The following KCNA6 variants were observed in gnomAD, a reference collection of about 807,000 sequenced individuals.
The protein encoded by KCNA6 is potassium voltage-gated channel subfamily A member 6, also known as human brain potassium channel-2.
KCNA6 carries 17 observed loss-of-function variants against 29.5 expected under a neutral mutation model. The ratio of observed to expected loss-of-function variants is 0.58; its 90% CI spans 0.39 to 0.86. The LOEUF (loss-of-function observed/expected upper bound fraction) is 0.86. KCNA6 is among the 40% of genes least tolerant of loss of function. The pLI is 0.00. For synonymous variants in KCNA6, 296 were observed against 304.7 expected, an observed-to-expected ratio of 0.97 and a Z score of 0.30; for missense variants, 450 against 703.4, an observed-to-expected ratio of 0.64 and a Z score of 4.07.
At chr12:4,837,906 G>A in the KCNA6 span, among the ~76,000 whole-genome samples, 1 of 152,064 alleles carries the variant, frequency 6.6e-6, no homozygotes, top group East Asian at 1.9e-4. Context: ...GACTGCCTGA[G>A]TGTGGGCTCT....
the KCNA6 span, among the ~76,000 whole-genome samples, chr12:4,830,862 C>G: frequency 6.6e-6 from 1 of 152,234 alleles, no homozygotes; most frequent in Non-Finnish European, 1.5e-5. Flanking sequence ...CTGATTCTCC[C>G]CATGGCCTTT....
chr12:4,830,309 G>C, the KCNA6 span, among the ~76,000 whole-genome samples: 10 of 152,218 alleles, frequency 6.6e-5, no homozygotes, highest in Admixed American at 3.3e-4. Context: ...CCTGCAGAAA[G>C]CACTGTGCAC....
chr12:4,840,441 C>T, the KCNA6 span, among the ~76,000 whole-genome samples: 2 of 152,328 alleles, frequency 1.3e-5, no homozygotes, highest in East Asian at 1.9e-4. Context: ...GAGATACCAT[C>T]TCACACCAGC....
At chr12:4,845,043 C>A in the KCNA6 span, among the ~76,000 whole-genome samples, 1 of 152,170 alleles carries the variant, frequency 6.6e-6, no homozygotes, top group Non-Finnish European at 1.5e-5. Flanking sequence ...CTGGAGCCTT[C>A]CATTGCGGAA....
At chr12:4,809,941 C>T (rs996458805) in exon 1 of KCNA6, 27 of 1,390,818 alleles carry the variant, frequency 1.9e-5, no homozygotes, top group Non-Finnish European at 2.5e-5. Context: ...CGGGCCCCAC[C>T]CTAAAGAGGG....
At chr12:4,834,365 G>A in the KCNA6 span, among the ~76,000 whole-genome samples, 612 of 152,292 alleles carry the variant, frequency 4.0e-3, 4 homozygotes, top group African/African-American at 0.014. Flanking sequence ...AACTTACGTC[G>A]TGTCTTGTAC....
chr12:4,832,645 A>G, the KCNA6 span, among the ~76,000 whole-genome samples: 6 of 152,094 alleles, frequency 3.9e-5, no homozygotes, highest in African/African-American at 1.4e-4. Flanking sequence ...ATCAGAATTC[A>G]ATTCCTAGTC....
chr12:4,824,996 A>C, the KCNA6 span, among the ~76,000 whole-genome samples: 1 of 152,216 alleles, frequency 6.6e-6, no homozygotes, highest in Non-Finnish European at 1.5e-5. Flanking sequence ...GTATTAGAAA[A>C]ATGTCTAGAT....
chr12:4,832,530 C>G, the KCNA6 span, among the ~76,000 whole-genome samples: 1 of 152,136 alleles, frequency 6.6e-6, no homozygotes, highest in African/African-American at 2.4e-5. Flanking sequence ...TGGCTTGTAC[C>G]TCTGGCCCCT....
At chr12:4,842,361 G>A in the KCNA6 span, among the ~76,000 whole-genome samples, 1 of 152,122 alleles carries the variant, frequency 6.6e-6, no homozygotes, top group Non-Finnish European at 1.5e-5. Context: ...CACAGGTGAG[G>A]AGTTTTATCT....
chr12:4,814,355 C>G (rs148418406), downstream of KCNA6: 1 of 167,154 alleles, frequency 6.0e-6, no homozygotes, highest in East Asian at 1.9e-4. This position sits in a 1 kb window ranked among gnomAD's most constrained non-coding sequence, Gnocchi z 4.6. Context: ...TCATGGAGTT[C>G]CCATCTCCGC....
At chr12:4,816,703 C>T (rs4238021), downstream of KCNA6, among the ~76,000 whole-genome samples, 43,537 of 151,852 alleles carry the variant, frequency 0.29, 6,424 homozygotes, top group Admixed American at 0.37. Flanking sequence ...TTTCCCTGGC[C>T]CCCTACCTAC....
At chr12:4,829,804 A>G in the KCNA6 span, among the ~76,000 whole-genome samples, 1 of 152,132 alleles carries the variant, frequency 6.6e-6, no homozygotes, top group East Asian at 1.9e-4. Flanking sequence ...ATTTAATTGC[A>G]CTTCACATTT....
At chr12:4,848,514 C>CAAAAA in the KCNA6 span, among the ~76,000 whole-genome samples, 642 of 144,960 alleles carry the variant, frequency 4.4e-3, 8 homozygotes, top group African/African-American at 0.015. Flanking sequence ...CAGGAGGGAG[C>CAAAAA]AAAAAAAAAA....
chr12:4,837,390 A>G, the KCNA6 span, among the ~76,000 whole-genome samples: 1 of 152,194 alleles, frequency 6.6e-6, no homozygotes, highest in Non-Finnish European at 1.5e-5. Flanking sequence ...GGAGGGGGTC[A>G]TGGCAACTCC....
At chr12:4,819,128 A>G in the KCNA6 span, among the ~76,000 whole-genome samples, 8 of 152,160 alleles carry the variant, frequency 5.3e-5, no homozygotes, top group African/African-American at 1.9e-4. Context: ...ACAAACACAT[A>G]TGGTGCTATA....
chr12:4,849,489 C>CTTTTTTTT, the KCNA6 span, among the ~76,000 whole-genome samples: 36 of 101,402 alleles, frequency 3.6e-4, no homozygotes, highest in African/African-American at 1.3e-3. Flanking sequence ...GATTTTTGCT[C>CTTTTTTTT]TTTTTTTTTT....
the KCNA6 span, among the ~76,000 whole-genome samples, chr12:4,826,386 A>C: frequency 6.6e-6 from 1 of 152,338 alleles, no homozygotes; most frequent in African/African-American, 2.4e-5. Context: ...GCTCAGAGGC[A>C]AAAGCAGAAA....
the KCNA6 span, among the ~76,000 whole-genome samples, chr12:4,818,800 G>C: frequency 6.6e-6 from 1 of 151,926 alleles, no homozygotes; most frequent in African/African-American, 2.4e-5. Context: ...GCAGCAGCAG[G>C]TGTCCTGTGC....
Sources: allele counts gnomAD v4.1 joint callset (sites outside exome capture counted in the v4.1 genomes callset), GRCh38; gene constraint gnomAD v4.1.1; non-coding constraint Gnocchi (gnomAD v3.1); transcripts MANE v1.5; gene names NCBI Gene and HGNC (gene_info 2026-07-23, HGNC 2026-07-21).